Variants in IWS1 observed in about 807,000 individuals in gnomAD.
The protein encoded by IWS1 is protein IWS1 homolog.
Under a neutral mutation model 86.7 loss-of-function variants are expected in IWS1, and 27 were observed. The ratio of observed to expected loss-of-function variants is 0.31; its 90% CI spans 0.23 to 0.43. The LOEUF is 0.43. Among genes scored for constraint, IWS1 ranks in the 20% least tolerant of loss-of-function variants. IWS1 has a pLI of 1.00. For synonymous variants in IWS1, 313 were observed against 335.1 expected (o/e 0.93, Z 0.72); for missense variants, 827 against 1,000.8 (o/e 0.83, Z 2.34).
chr2:127,520,895 A>G (rs534626668), intron 2 of IWS1, among the ~76,000 whole-genome samples: 93 of 152,382 alleles, frequency 6.1e-4, no homozygotes, highest in African/African-American at 2.1e-3. Flanking sequence ...ACCATTAAAC[A>G]TTACGCTTAT....
intron 3 of IWS1, 107 bp downstream of exon 3, chr2:127,504,577 G>A: frequency 1.2e-6 from 1 of 817,590 alleles, no homozygotes; most frequent in South Asian, 1.7e-5. Context: ...ATATTAAGCT[G>A]AATAACAGAA....
chr2:127,480,984 T>C lies in IWS1; in HGVS notation c.*60A>G. The C allele has an allele frequency of 6.5e-7, 1 of 1,535,844 alleles. No homozygotes were observed. The highest frequency in any genetic ancestry group is 8.8e-7 in the Non-Finnish European group (1 of 1,141,686). On this transcript the variant is annotated 3_prime_UTR_variant, in exon 14 of 14. Transcript: ENST00000295321. ...TAAAAATGTTTTAAAATATCTTCTTTCTCCAAAGAGTCCATTGCGCATTTC... is the reference window on the plus strand; with the variant it reads ...TAAAAATGTTTTAAAATATCTTCTTCCTCCAAAGAGTCCATTGCGCATTTC...
Position 127,496,028 on chromosome 2 carries a change from G to T in IWS1, c.1686C>A (p.Ala562=), listed in dbSNP as rs757997761. 6.2e-7 allele frequency: 1 copy of T among 1,613,464 alleles called. No homozygotes were observed. Among genetic ancestry groups the T allele is most frequent in the East Asian group, 2.2e-5 (1 of 44,830 alleles). The change falls in exon 7 of 14, where the codon GCC becomes GCA. Residue 562 remains alanine, a synonymous_variant. Transcript: ENST00000295321. ...CAGCTTCATTCATCTTGACGATCAT[G>T]GCACTCACGACGTCGTCTGCATCAC... ...FISDADDVVS[A]MIVKMNEAAE...
chr2:127,509,372 A>G (rs1020064345), intron 2 of IWS1, among the ~76,000 whole-genome samples: 1 of 152,202 alleles, frequency 6.6e-6, no homozygotes, highest in African/African-American at 2.4e-5. Flanking sequence ...TTGTAATGGT[A>G]AAAGAAATTG....
chr2:127,509,062 C>G (rs890906587), intron 2 of IWS1, among the ~76,000 whole-genome samples: 3 of 151,674 alleles, frequency 2.0e-5, no homozygotes, highest in Non-Finnish European at 4.4e-5. Context: ...TATGGCATGA[C>G]AGGGCAAAAA....
chr2:127,504,928 C>T lies in IWS1; in HGVS notation c.975G>A (p.Gln325=). ...SETEDASRHK[Q]KPESDDDSDR... ...CGCTGTCATCATCTGACTCTGGCTT[C>T]TGTTTGTGTCTGGACGCATCCTCAG... Residue 325 remains glutamine (Q), a synonymous_variant, in exon 3 of 14, where the codon CAG becomes CAA. Coordinates refer to ENST00000295321, the MANE Select transcript of IWS1 (RefSeq NM_017969.3). 6.2e-7 allele frequency: 1 copy of T among 1,614,196 alleles called. No homozygotes were observed. Among genetic ancestry groups the T allele is most frequent in the African/African-American group, 1.3e-5 (1 of 75,032 alleles).
chr2:127,500,782 C>T (rs2104691467), intron 5 of IWS1, among the ~76,000 whole-genome samples: 1 of 152,148 alleles, frequency 6.6e-6, no homozygotes, highest in Admixed American at 6.5e-5. Flanking sequence ...GTCCCTTGTC[C>T]TATAGTTCTT....
intron 2 of IWS1, among the ~76,000 whole-genome samples, chr2:127,515,202 C>T (rs986852909): frequency 1.3e-5 from 2 of 152,158 alleles, no homozygotes; most frequent in Non-Finnish European, 2.9e-5. Flanking sequence ...GGGTCTTCAC[C>T]CAAGGGGTTA....
At chr2:127,521,133 T>G (rs371523117) in intron 2 of IWS1, among the ~76,000 whole-genome samples, 4 of 152,160 alleles carry the variant, frequency 2.6e-5, no homozygotes, top group Non-Finnish European at 1.5e-5. Flanking sequence ...CGCACTGTAA[T>G]CCCAGCTACT....
intron 10 of IWS1, chr2:127,490,870 A>G (rs1026435694): frequency 3.9e-5 from 6 of 152,238 alleles, no homozygotes; most frequent in Non-Finnish European, 7.3e-5. Context: ...TTATAGAAGA[A>G]ATTTACATTT....
At chr2:127,488,726 C>T (rs1573506411) in intron 12 of IWS1, among the ~76,000 whole-genome samples, 1 of 152,238 alleles carries the variant, frequency 6.6e-6, no homozygotes, top group East Asian at 1.9e-4. Flanking sequence ...GATTCAAAGC[C>T]CTTCACCGGT....
At chr2:127,481,307 G>A in intron 13 of IWS1, 132 bp from the exon 14 acceptor site, 2 of 737,572 alleles carry the variant, frequency 2.7e-6, no homozygotes, top group Non-Finnish European at 2.1e-6. Context: ...GTGTGTTGAT[G>A]ACCTCAAGAA....
At chr2:127,509,076 G>C (rs1011402674) in intron 2 of IWS1, among the ~76,000 whole-genome samples, 1 of 152,070 alleles carries the variant, frequency 6.6e-6, no homozygotes, top group Non-Finnish European at 1.5e-5. Context: ...GCAAAAAAGG[G>C]GAGAAATCAC....
chr2:127,498,055 C>T lies in IWS1; in HGVS notation c.1565+85G>A, dbSNP rs911544099. On this transcript the variant is annotated intron_variant, in intron 6 of 13. Transcript: ENST00000295321. ...CCCACTCCTAAACTTAATCAGGAAC[C>T]AAAATGAAAAACAAAAGAGAGTTTA... The T allele has an allele frequency of 6.4e-6, 7 of 1,086,250 alleles. No homozygotes were observed. The African/African-American group carries it at 9.5e-5, about 15-fold the overall frequency. The allele number at this position is 1,086,250 out of a possible 1,614,324, so 67.3% of individuals were successfully genotyped here.
At chr2:127,509,963 G>C (rs1691355473) in intron 2 of IWS1, among the ~76,000 whole-genome samples, 1 of 152,144 alleles carries the variant, frequency 6.6e-6, no homozygotes, top group Admixed American at 6.5e-5. Context: ...AAATTTCAAA[G>C]TATTATATCG....
intron 2 of IWS1, among the ~76,000 whole-genome samples, chr2:127,515,470 G>C (rs1691719855): frequency 6.6e-6 from 1 of 152,188 alleles, no homozygotes; most frequent in African/African-American, 2.4e-5. Context: ...TGAGATGAAA[G>C]AGCTCAATGG....
intron 2 of IWS1, among the ~76,000 whole-genome samples, chr2:127,510,830 A>G (rs1043120569): frequency 6.6e-6 from 1 of 152,138 alleles, no homozygotes; most frequent in Non-Finnish European, 1.5e-5. Flanking sequence ...CATCAACCCT[A>G]TGTGTTACAC....
Sources: allele counts gnomAD v4.1 joint callset (sites outside exome capture counted in the v4.1 genomes callset), GRCh38; gene constraint gnomAD v4.1.1; transcripts MANE v1.5; gene names NCBI Gene and HGNC (gene_info 2026-07-23, HGNC 2026-07-21).